NOL4L: variants seen among roughly 807,000 people sequenced by gnomAD.
NOL4L encodes the protein nucleolar protein 4 like.
NOL4L carries 7 observed loss-of-function variants against 64.5 expected under a neutral mutation model. The ratio of observed to expected loss-of-function variants is 0.11; its 90% CI spans 0.06 to 0.20. The LOEUF (loss-of-function observed/expected upper bound fraction) is 0.20. NOL4L is among the 10% of genes least tolerant of loss of function. The probability of loss-of-function intolerance (pLI) is 1.00; values close to 1 mark genes in which losing one functional copy is unlikely to be tolerated. For missense variants in NOL4L, 680 were observed against 967.1 expected (o/e 0.70, Z 3.94); for synonymous variants, 413 against 401.0 (o/e 1.03, Z -0.36).
Position 32,457,070 on chromosome 20 carries a change from C to T in NOL4L, c.842-675G>A, listed in dbSNP as rs1396345574. On this transcript the variant is annotated intron_variant, in intron 5 of 10. Transcript: ENST00000621426. ...GCAAGGTCTGGGGTCTGCACGCGGC[C>T]CCCGAGTGGGCCTGCCCGGCGTCTC... Among the ~76,000 whole-genome samples, 5 of 152,242 alleles carry T rather than the reference C, an allele frequency of 3.3e-5. No homozygotes were observed. The East Asian group carries it at 9.6e-4, about 29-fold the overall frequency.
intron 5 of NOL4L, among the ~76,000 whole-genome samples, chr20:32,469,812 C>T (rs1419045418): frequency 4.6e-5 from 7 of 152,266 alleles, no homozygotes; most frequent in Non-Finnish European, 8.8e-5. Context: ...TTGGCTTCAA[C>T]CAAACCCCAG....
intron 1 of NOL4L, among the ~76,000 whole-genome samples, chr20:32,581,559 AC>A (rs2145628337): frequency 6.6e-6 from 1 of 152,168 alleles, no homozygotes; most frequent in African/African-American, 2.4e-5. Context: ...CACCATGGCC[AC>A]CCTGGGGACA....
chr20:32,494,288 A>C (rs1374101276), intron 4 of NOL4L, among the ~76,000 whole-genome samples: 35 of 126,006 alleles, frequency 2.8e-4, no homozygotes, highest in East Asian at 2.7e-3. Flanking sequence ...AAAAACACAC[A>C]ACACACACAC....
intron 5 of NOL4L, among the ~76,000 whole-genome samples, chr20:32,468,414 T>A (rs577412709): frequency 2.2e-4 from 34 of 152,246 alleles, no homozygotes; most frequent in African/African-American, 7.7e-4. Context: ...CTGCCACGCC[T>A]CTGCCCAGCT....
At position 32,482,603 on chromosome 20, in the gene NOL4L, T is replaced by A. The variant is rs559694584; in HGVS notation, c.700-7861A>T. 1.2e-3 allele frequency among the ~76,000 whole-genome samples: 183 copies of A among 151,680 alleles called. 1 individual carries two copies. Among genetic ancestry groups the A allele is most frequent in the Non-Finnish European group, 1.9e-3 (126 of 67,812 alleles). ...TGCGCGCGCCCTCGAGGCGGCCGGC[T>A]GCCCCCGCCCCGCCGTGTCCCCTCA... is the stretch of plus-strand genomic sequence containing the variant. On this transcript the variant is annotated intron_variant, in intron 4 of 10. Transcript: ENST00000621426.
intron 1 of NOL4L, among the ~76,000 whole-genome samples, chr20:32,555,690 A>T (rs1208262018): frequency 6.6e-6 from 1 of 152,128 alleles, no homozygotes; most frequent in Non-Finnish European, 1.5e-5. Context: ...AGAAGAGAAG[A>T]TTAGGATACA....
chr20:32,514,986 G>T (rs556523920), intron 3 of NOL4L, among the ~76,000 whole-genome samples: 1 of 152,186 alleles, frequency 6.6e-6, no homozygotes. Flanking sequence ...TGGGAGGCAC[G>T]GAGGCGGGGA....
At chr20:32,469,983 C>T (rs2014883473) in intron 5 of NOL4L, among the ~76,000 whole-genome samples, 1 of 152,224 alleles carries the variant, frequency 6.6e-6, no homozygotes, top group African/African-American at 2.4e-5. Flanking sequence ...TGTCCCGAGG[C>T]CCAGGTTGGA....
chr20:32,558,569 C>A (rs932796996), intron 1 of NOL4L, among the ~76,000 whole-genome samples: 2 of 152,166 alleles, frequency 1.3e-5, no homozygotes, highest in South Asian at 4.1e-4. Context: ...ATCACACAGC[C>A]GGCTGGGTAC....
Position 32,453,515 on chromosome 20 carries a change from G to A in NOL4L, c.1306-20C>T, listed in dbSNP as rs766671240. The A allele has an allele frequency of 6.2e-6, 10 of 1,613,308 alleles. No individual in the cohort carries two copies. The highest frequency in any genetic ancestry group is 8.5e-6 in the Non-Finnish European group (10 of 1,179,350). The stretch of plus-strand genomic sequence containing the variant: ...AAACATCTGTGGAGACACGGGCCAT[G>A]GGAAGGGCTGGCCCTGGCCTTGCCC... On this transcript the variant is annotated intron_variant, in intron 7 of 10. Transcript: ENST00000621426. This position sits in a 1 kb window ranked among gnomAD's most constrained non-coding sequence, Gnocchi z 5.6.
In NOL4L at chr20:32,527,809, C is replaced by T. The variant is rs776466787; in HGVS notation, c.426G>A (p.Ala142=). Residue 142 remains alanine (A), a synonymous_variant, in exon 2 of 11, where the codon GCG becomes GCA. Transcript: ENST00000621426. ...CGTGCTTGGGGGCTTTGCCTGGCTC[C>T]GCTGAGCTCTCCACATGCATCGAGT... is the stretch of plus-strand genomic sequence containing the variant. The part of the protein sequence containing the change: ...IIYSMHVESS[A]EPGKAPKHAG... 15 of 1,550,352 alleles carry T rather than the reference C, an allele frequency of 9.7e-6. No homozygotes were observed. The highest frequency in any genetic ancestry group is 1.4e-5 in the African/African-American group (1 of 73,064).
At chr20:32,506,617 C>T (rs374414204) in intron 4 of NOL4L, among the ~76,000 whole-genome samples, 4 of 152,014 alleles carry the variant, frequency 2.6e-5, no homozygotes, top group East Asian at 1.9e-4. Context: ...GCCGAGATCG[C>T]GCCATTGCAC....
intron 1 of NOL4L, among the ~76,000 whole-genome samples, chr20:32,546,643 AGG>A (rs2018737256): frequency 6.6e-6 from 1 of 152,012 alleles, no homozygotes; most frequent in Admixed American, 6.5e-5. Context: ...CTCCATGATC[AGG>A]CTGGTCTCAA....
At chr20:32,577,410 A>C (rs1568723381) in intron 1 of NOL4L, among the ~76,000 whole-genome samples, 1 of 152,218 alleles carries the variant, frequency 6.6e-6, no homozygotes, top group Non-Finnish European at 1.5e-5. Context: ...ATTCAGAGGC[A>C]GGGAGATCAC....
chr20:32,554,542 T>C (rs1257701817), intron 1 of NOL4L, among the ~76,000 whole-genome samples: 3 of 151,936 alleles, frequency 2.0e-5, no homozygotes, highest in South Asian at 2.1e-4. Flanking sequence ...AGGGTGGAGC[T>C]TTCCTTCCCA....
chr20:32,503,616 T>C (rs2017012101), intron 4 of NOL4L, among the ~76,000 whole-genome samples: 1 of 152,186 alleles, frequency 6.6e-6, no homozygotes, highest in Admixed American at 6.5e-5. Context: ...TGCTCAAAGT[T>C]TGAACAGTCT....
At position 32,555,575 on chromosome 20, in the gene NOL4L, C is replaced by T. The variant is rs550217732; in HGVS notation, c.322-27662G>A. Among the ~76,000 whole-genome samples, 5 of 152,058 alleles carry T rather than the reference C, an allele frequency of 3.3e-5. No individual in the cohort carries two copies. The South Asian group carries it at 8.3e-4, about 25-fold the overall frequency. On this transcript the variant is annotated intron_variant, in intron 1 of 10. Coordinates refer to ENST00000621426, the MANE Select transcript of NOL4L (RefSeq NM_001256798.2). ...AGAGTCCCAAAGTGCTAGGATGTCA[C>T]AGGAGTGATAATGCACCTGGCCAAG...
In NOL4L at chr20:32,555,754, C is replaced by T. The variant is rs568084584; in HGVS notation, c.322-27841G>A. Among the ~76,000 whole-genome samples the T allele has an allele frequency of 1.4e-3, 212 of 152,220 alleles. 1 individual carries two copies. The highest frequency in any genetic ancestry group is 2.6e-3 in the Non-Finnish European group (178 of 68,020). On this transcript the variant is annotated intron_variant, in intron 1 of 10. Coordinates refer to ENST00000621426, the MANE Select transcript of NOL4L (RefSeq NM_001256798.2). ...ACGGAGAGAAGTGACTGTCCACAAGCCAAGAAGAGAAGCCCCAGAAGAAAT... is the reference window on the plus strand; with the variant it reads ...ACGGAGAGAAGTGACTGTCCACAAGTCAAGAAGAGAAGCCCCAGAAGAAAT...
intron 4 of NOL4L, among the ~76,000 whole-genome samples, chr20:32,486,391 G>A (rs1015949516): frequency 6.6e-6 from 1 of 152,158 alleles, no homozygotes; most frequent in Non-Finnish European, 1.5e-5. Flanking sequence ...CATCTGCTTC[G>A]GGGGGACAAT....
Sources: allele counts gnomAD v4.1 joint callset (sites outside exome capture counted in the v4.1 genomes callset), GRCh38; gene constraint gnomAD v4.1.1; non-coding constraint Gnocchi (gnomAD v3.1); transcripts MANE v1.5; gene names NCBI Gene and HGNC (gene_info 2026-07-23, HGNC 2026-07-21).